The following MAP4 variants were observed in gnomAD, a reference collection of about 807,000 sequenced individuals.
The protein encoded by MAP4 is microtubule-associated protein 4.
In MAP4, 76 loss-of-function variants were observed where a neutral mutation model predicts 170.2. That is an observed-to-expected ratio of 0.45 (90% CI 0.37 to 0.54). The LOEUF is 0.54. MAP4 is among the 20% of genes least tolerant of loss of function. MAP4 has a pLI of 0.00. For synonymous variants in MAP4, 909 were observed against 994.5 expected (o/e 0.91, Z 1.62); for missense variants, 2,506 against 2,748.0 (o/e 0.91, Z 1.97).
At position 47,909,457 on chromosome 3, in the gene MAP4, T is replaced by C. The variant is rs1370749538; in HGVS notation, c.4964A>G (p.Lys1655Arg). The C allele has an allele frequency of 1.2e-6, 2 of 1,613,772 alleles. No homozygotes were observed. Among genetic ancestry groups the C allele is most frequent in the Admixed American group, 3.3e-5 (2 of 60,004 alleles). Residue 1655 changes from lysine (K) to arginine (R), a missense_variant, in exon 9 of 21, where the codon AAG becomes AGG. This residue lies in a region of MAP4 where 2,008 missense variants were observed against 2,206.0 expected (regional missense o/e 0.91). Coordinates refer to ENST00000683076, the MANE Select transcript of MAP4 (RefSeq NM_001385682.1). ...TGGAGACAAAAGAGTCAGATCTACC[T>C]TCTTATTCAAACTATCTGAACCTTT... is the stretch of plus-strand genomic sequence containing the variant. Reference protein sequence around the residue: ...NSKGSDSLNKKVDLTLLSPKS... With the variant: ...NSKGSDSLNKRVDLTLLSPKS...
At chr3:47,988,761 G>A (rs2100090435) in intron 2 of MAP4, among the ~76,000 whole-genome samples, 1 of 151,684 alleles carries the variant, frequency 6.6e-6, no homozygotes, top group African/African-American at 2.4e-5. Flanking sequence ...AGATCAAGTA[G>A]AAAGTATGTG....
At chr3:48,082,306 C>G (rs4858881) in intron 1 of MAP4, among the ~76,000 whole-genome samples, 91,818 of 152,096 alleles carry the variant, frequency 0.6, 28,994 homozygotes, top group East Asian at 0.71. Context: ...TCACAGTTAT[C>G]TTCCCCAAAA....
At chr3:48,034,603 A>T (rs1158864370) in intron 1 of MAP4, among the ~76,000 whole-genome samples, 85 of 151,960 alleles carry the variant, frequency 5.6e-4, no homozygotes, top group Non-Finnish European at 1.5e-5. Flanking sequence ...ACTTGGGAGT[A>T]TGAGGCATGA....
At chr3:47,996,081 T>A (rs1180236655) in intron 2 of MAP4, among the ~76,000 whole-genome samples, 1 of 152,154 alleles carries the variant, frequency 6.6e-6, no homozygotes, top group Non-Finnish European at 1.5e-5. Context: ...CCTCCCTCCA[T>A]GGTACAGACC....
chr3:48,051,824 C>A (rs1159609357), intron 1 of MAP4, among the ~76,000 whole-genome samples: 1 of 152,128 alleles, frequency 6.6e-6, no homozygotes, highest in Non-Finnish European at 1.5e-5. Flanking sequence ...ATCTGTATAA[C>A]CCCAATACAT....
Position 47,984,979 on chromosome 3 carries a change from A to T in MAP4, c.224-7046T>A, listed in dbSNP as rs1454863300. On this transcript the variant is annotated intron_variant, in intron 2 of 20. Transcript: ENST00000683076. ...GTGAGACCCCGTCTTAAAAAAAATT[A>T]AAAAATAAAAATAAAAATTAGGCTG... is the stretch of plus-strand genomic sequence containing the variant. Among the ~76,000 whole-genome samples the T allele has an allele frequency of 7.3e-5, 11 of 151,220 alleles. No individual in the cohort carries two copies. The East Asian group carries it at 7.8e-4, about 11-fold the overall frequency.
intron 1 of MAP4, among the ~76,000 whole-genome samples, chr3:48,015,656 TA>T (rs1170192813): frequency 1.3e-5 from 2 of 152,202 alleles, no homozygotes; most frequent in Non-Finnish European, 2.9e-5. Context: ...AGAGGCCTGT[TA>T]TACATCAAGC....
intron 2 of MAP4, among the ~76,000 whole-genome samples, 161 bp downstream of exon 2, chr3:47,998,477 G>A (rs1280155728): frequency 1.3e-5 from 2 of 152,098 alleles, no homozygotes; most frequent in Non-Finnish European, 2.9e-5. Context: ...CTCACTCAAA[G>A]GGTGGTAAGT....
At chr3:48,014,395 CA>C (rs1399824841) in intron 1 of MAP4, among the ~76,000 whole-genome samples, 10 of 152,148 alleles carry the variant, frequency 6.6e-5, no homozygotes, top group Non-Finnish European at 1.5e-4. Context: ...CTCTTCTATT[CA>C]CCCCTTGAAA....
chr3:47,912,305 A>C lies in MAP4; in HGVS notation c.2116T>G (p.Ser706Ala). ...ARVPPELLGG[S>A]PPWKTLDHRL... ...TGATCAAGAGTCTTCCATGGAGGAG[A>C]GCCTCCCAGCAGCTCAGGAGGGACC... The change falls in exon 9 of 21, where the codon TCT (serine) becomes GCT (alanine). Residue 706 changes from serine (S) to alanine (A), a missense_variant. By Grantham distance (99) the Ser-to-Ala change is moderately conservative. Around this residue, in one of 3 missense-constraint regions of MAP4, gnomAD observed 2,008 missense variants for 2,206.0 expected, o/e 0.91. Coordinates refer to ENST00000683076, the MANE Select transcript of MAP4 (RefSeq NM_001385682.1). 6.5e-7 allele frequency: 1 copy of C among 1,536,110 alleles called. No homozygotes were observed. Among genetic ancestry groups the C allele is most frequent in the South Asian group, 1.2e-5 (1 of 84,060 alleles).
intron 1 of MAP4, among the ~76,000 whole-genome samples, chr3:48,055,473 C>T (rs1307628319): frequency 6.7e-6 from 1 of 150,224 alleles, no homozygotes; most frequent in African/African-American, 2.5e-5. Flanking sequence ...CCCGAGGTGC[C>T]GGGATTGCAG....
At chr3:47,953,133 AGTATG>A (rs924656356) in intron 3 of MAP4, among the ~76,000 whole-genome samples, 7 of 152,136 alleles carry the variant, frequency 4.6e-5, no homozygotes, top group African/African-American at 1.7e-4. Context: ...CTGCATCTTG[AGTATG>A]GTATGACTAT....
At chr3:47,853,395 G>T (rs749610326) in intron 19 of MAP4, 43 bp from the exon 20 acceptor site, 3 of 1,306,494 alleles carry the variant, frequency 2.3e-6, no homozygotes, top group Non-Finnish European at 3.1e-6. Flanking sequence ...GTCAGTCGAG[G>T]GGGGGAGTGG....
intron 1 of MAP4, among the ~76,000 whole-genome samples, chr3:48,024,759 T>A (rs2100112214): frequency 1.3e-5 from 2 of 152,184 alleles, no homozygotes; most frequent in South Asian, 4.1e-4. Flanking sequence ...ATATCTAACA[T>A]CCTCATTTTA....
At chr3:47,888,563 C>T (rs1484220006) in intron 10 of MAP4, among the ~76,000 whole-genome samples, 6 of 152,102 alleles carry the variant, frequency 3.9e-5, no homozygotes, top group Non-Finnish European at 7.4e-5. Flanking sequence ...GGAAGAAACT[C>T]CGAACACATC....
chr3:47,875,278 G>T (rs1209096524), intron 12 of MAP4, among the ~76,000 whole-genome samples: 1 of 152,176 alleles, frequency 6.6e-6, no homozygotes, highest in Non-Finnish European at 1.5e-5. Context: ...TATCTAACTG[G>T]TATGTGGAGT....
At chr3:47,889,392 T>C (rs1243127650) in intron 10 of MAP4, among the ~76,000 whole-genome samples, 1 of 152,246 alleles carries the variant, frequency 6.6e-6, no homozygotes, top group Non-Finnish European at 1.5e-5. Context: ...TCCTCCAAAA[T>C]GTTTCCACAA....
chr3:48,010,295 C>T (rs560015310), intron 1 of MAP4, among the ~76,000 whole-genome samples: 1 of 152,210 alleles, frequency 6.6e-6, no homozygotes, highest in African/African-American at 2.4e-5. Context: ...TGACCAGCTG[C>T]AGAAATGAGG....
chr3:47,933,233 A>T (rs1444752295), intron 3 of MAP4, among the ~76,000 whole-genome samples: 1 of 152,192 alleles, frequency 6.6e-6, no homozygotes, highest in African/African-American at 2.4e-5. Context: ...ACTGTAGGTC[A>T]GAAAAGGGAC....
Sources: allele counts gnomAD v4.1 joint callset (sites outside exome capture counted in the v4.1 genomes callset), GRCh38; gene constraint gnomAD v4.1.1; regional missense constraint gnomAD v4.1.1; transcripts MANE v1.5; gene names NCBI Gene and HGNC (gene_info 2026-07-23, HGNC 2026-07-21).